The following BORCS5 variants were observed in gnomAD, a reference collection of about 807,000 sequenced individuals.
BORCS5 encodes the protein BLOC-1-related complex subunit 5.
BORCS5 carries 17 observed loss-of-function variants against 22.1 expected under a neutral mutation model. The ratio of observed to expected loss-of-function variants is 0.77; its 90% confidence interval spans 0.53 to 1.15. The LOEUF is 1.15. BORCS5 is among the 50% of genes most tolerant of loss of function. The pLI is 0.00. For synonymous variants in BORCS5, 117 were observed against 99.8 expected (o/e 1.17, Z -1.03); for missense variants, 247 against 253.2 (o/e 0.98, Z 0.17).
At chr12:12,404,352 G>T (rs950838133) in intron 2 of BORCS5, among the ~76,000 whole-genome samples, 41 of 152,174 alleles carry the variant, frequency 2.7e-4, no homozygotes, top group African/African-American at 9.4e-4. Flanking sequence ...TGTTCTGGAG[G>T]CTGGGAAGTT....
chr12:12,433,532 A>G (rs1201530000), intron 2 of BORCS5, among the ~76,000 whole-genome samples: 2 of 152,146 alleles, frequency 1.3e-5, no homozygotes, highest in African/African-American at 2.4e-5. Flanking sequence ...ATCTATGTCA[A>G]TATCCTGGTT....
intron 3 of BORCS5, chr12:12,452,494 G>T (rs1387319349): frequency 4.4e-6 from 2 of 458,796 alleles, no homozygotes; most frequent in Non-Finnish European, 8.9e-6. Flanking sequence ...GGCTGGGTCG[G>T]GCCCACCGGG....
intron 2 of BORCS5, among the ~76,000 whole-genome samples, chr12:12,434,002 G>A (rs1019340): frequency 0.62 from 94,540 of 151,692 alleles, 30,615 homozygotes; most frequent in African/African-American, 0.79. Context: ...GGTTGGGGTC[G>A]GTGAGGAAGG....
Position 12,448,801 on chromosome 12 carries a change from A to G in BORCS5, c.360+13016A>G, listed in dbSNP as rs186474314. On this transcript the variant is annotated intron_variant, in intron 3 of 3. Coordinates refer to ENST00000314565, the MANE Select transcript of BORCS5 (RefSeq NM_058169.6). ...CTCAGACTCCCAAAGTGCTGGGATT[A>G]CAGGCGTGAGCCACTGTGCCTGGCC... Among the ~76,000 whole-genome samples the G allele has an allele frequency of 5.8e-3, 882 of 152,336 alleles. 11 individuals carry two copies. Among genetic ancestry groups the G allele is most frequent in the African/African-American group, 0.021 (867 of 41,572 alleles).
intron 2 of BORCS5, among the ~76,000 whole-genome samples, chr12:12,431,403 C>CTTT (rs386375632): frequency 0.04 from 4,844 of 121,056 alleles, 390 homozygotes; most frequent in African/African-American, 0.11. Flanking sequence ...TTTGCTAATT[C>CTTT]TTTTTTTTTT....
chr12:12,414,250 CA>C (rs1941845531), intron 2 of BORCS5, among the ~76,000 whole-genome samples: 1 of 67,956 alleles, frequency 1.5e-5, no homozygotes, highest in Non-Finnish European at 3.1e-5. Flanking sequence ...GCTGGCCGGG[CA>C]GAGGGGCTCC....
At chr12:12,433,348 A>AAT (rs35052204) in intron 2 of BORCS5, among the ~76,000 whole-genome samples, 26,490 of 125,812 alleles carry the variant, frequency 0.21, 4,199 homozygotes, top group Non-Finnish European at 0.3. Context: ...AAAAAAAAAA[A>AAT]GGAAATCTGC....
intron 2 of BORCS5, among the ~76,000 whole-genome samples, chr12:12,431,030 G>C (rs1465590138): frequency 6.6e-6 from 1 of 152,182 alleles, no homozygotes; most frequent in Non-Finnish European, 1.5e-5. Context: ...CTGCTGCAAT[G>C]AATACTCTTG....
chr12:12,413,387 A>C (rs1941796248), intron 2 of BORCS5, among the ~76,000 whole-genome samples: 1 of 143,070 alleles, frequency 7.0e-6, no homozygotes, highest in Non-Finnish European at 1.5e-5. Context: ...CAGAGAGCAC[A>C]GGGTTGGGGA....
chr12:12,426,705 G>GA (rs772488559), intron 2 of BORCS5, among the ~76,000 whole-genome samples: 11 of 152,248 alleles, frequency 7.2e-5, no homozygotes, highest in Admixed American at 1.3e-4. Flanking sequence ...GCAAACCCTA[G>GA]AAGGGACATG....
intron 2 of BORCS5, among the ~76,000 whole-genome samples, chr12:12,432,508 A>G (rs768091045): frequency 4.6e-5 from 7 of 152,224 alleles, no homozygotes; most frequent in East Asian, 3.8e-4. Flanking sequence ...TGACCCAGCA[A>G]TTGCATTCTT....
At chr12:12,373,164 G>T (rs539962677) in intron 2 of BORCS5, among the ~76,000 whole-genome samples, 1 of 152,244 alleles carries the variant, frequency 6.6e-6, no homozygotes, top group Non-Finnish European at 1.5e-5. Context: ...TCTTCCTTCT[G>T]TTCTTAGCCA....
intron 2 of BORCS5, 117 bp downstream of exon 2, chr12:12,361,466 A>G: frequency 8.7e-7 from 1 of 1,145,472 alleles, no homozygotes; most frequent in Non-Finnish European, 1.3e-6. Context: ...TCTTTGCTTA[A>G]ATGGCATCTT....
At chr12:12,441,141 A>C (rs901141393) in intron 3 of BORCS5, among the ~76,000 whole-genome samples, 5 of 152,208 alleles carry the variant, frequency 3.3e-5, no homozygotes, top group African/African-American at 1.2e-4. Context: ...GGTCCCTGGC[A>C]CAGATCGGTC....
chr12:12,449,274 G>T (rs191320705), intron 3 of BORCS5, among the ~76,000 whole-genome samples: 1 of 152,326 alleles, frequency 6.6e-6, no homozygotes, highest in East Asian at 1.9e-4. Flanking sequence ...GGAGGCAAAA[G>T]ATCTCAGATG....
chr12:12,366,325 G>C (rs1388455889), intron 2 of BORCS5, among the ~76,000 whole-genome samples: 1 of 152,200 alleles, frequency 6.6e-6, no homozygotes, highest in East Asian at 1.9e-4. Context: ...AGAGGCAGTG[G>C]CTGGGCGAGT....
chr12:12,430,151 A>ATTTTTTTTTTTTTTTT (rs71061068), intron 2 of BORCS5, among the ~76,000 whole-genome samples: 15 of 107,752 alleles, frequency 1.4e-4, no homozygotes, highest in African/African-American at 3.7e-4. Context: ...CTTAGAGAAA[A>ATTTTTTTTTTTTTTTT]TTTTTTTTTT....
intron 2 of BORCS5, among the ~76,000 whole-genome samples, chr12:12,362,826 T>C (rs573846766): frequency 6.7e-6 from 1 of 148,300 alleles, no homozygotes; most frequent in African/African-American, 2.5e-5. Flanking sequence ...ATTATTATTA[T>C]TTTTAGTTGA....
chr12:12,418,659 C>G (rs1229758496), intron 2 of BORCS5, among the ~76,000 whole-genome samples: 2 of 152,130 alleles, frequency 1.3e-5, no homozygotes, highest in African/African-American at 4.8e-5. Flanking sequence ...TGCACTACAG[C>G]CTGGGTAACA....
Sources: gnomAD v4.1 joint callset for allele counts (sites outside exome capture counted in the v4.1 genomes callset) on GRCh38, gnomAD v4.1.1 for gene constraint, MANE v1.5 for transcripts, NCBI Gene and HGNC (gene_info 2026-07-23, HGNC 2026-07-21) for gene names.